CEP135: variants seen among roughly 807,000 people sequenced by gnomAD.
CEP135 encodes the protein centrosomal protein 135.
CEP135 carries 142 observed loss-of-function variants against 157.3 expected under a neutral mutation model. The ratio of observed to expected loss-of-function variants is 0.90; its 90% CI spans 0.79 to 1.04. CEP135 has a LOEUF of 1.04. CEP135 is among the 50% of genes least tolerant of loss of function. CEP135 has a pLI of 0.00. For missense variants in CEP135, 1,317 were observed against 1,309.2 expected, an observed-to-expected ratio of 1.01 and a Z score of -0.09; for synonymous variants, 396 against 439.8, an observed-to-expected ratio of 0.90 and a Z score of 1.25.
intron 5 of CEP135, 71 bp downstream of exon 5, chr4:55,957,435 G>A: frequency 6.8e-7 from 1 of 1,472,202 alleles, no homozygotes; most frequent in Non-Finnish European, 9.2e-7. Flanking sequence ...CTTGATAGGA[G>A]GGCTTTTTTT....
Position 56,019,499 on chromosome 4 carries a change from G to T in CEP135, c.3159G>T (p.Glu1053Asp). 6.2e-7 allele frequency: 1 copy of T among 1,614,044 alleles called. No individual in the cohort carries two copies. The highest frequency in any genetic ancestry group is 1.1e-5 in the South Asian group (1 of 91,034). ...KEFHSHLTSH[E>D]KDTEIQLLKE... is the part of the protein sequence containing the mutation. Reference sequence around the variant, plus strand: ...TTCATTCTCACTTAACCTCCCACGAGAAGGATACAGAAATCCAGCTACTTA... The same window carrying T: ...TTCATTCTCACTTAACCTCCCACGATAAGGATACAGAAATCCAGCTACTTA... Residue 1053 changes from glutamate (E) to aspartate (D), a missense_variant, in exon 23 of 26, where the codon GAG becomes GAT. Physicochemically the swap from Glu to Asp is conservative, Grantham distance 45 (BLOSUM62 2). Coordinates refer to ENST00000257287, the MANE Select transcript of CEP135 (RefSeq NM_025009.5).
intron 8 of CEP135, chr4:55,966,141 T>G (rs1728837185): frequency 9.3e-6 from 3 of 322,644 alleles, no homozygotes; most frequent in Non-Finnish European, 1.7e-5. Context: ...TCTCTGCCCC[T>G]TTATCTATGC....
intron 14 of CEP135, among the ~76,000 whole-genome samples, chr4:55,987,341 C>T (rs772404716): frequency 1.3e-5 from 2 of 152,056 alleles, no homozygotes; most frequent in African/African-American, 2.4e-5. Flanking sequence ...TTAAAGGGTA[C>T]CCTTTATAGA....
At chr4:55,968,554 C>G (rs1477307013) in intron 8 of CEP135, among the ~76,000 whole-genome samples, 3 of 152,144 alleles carry the variant, frequency 2.0e-5, no homozygotes, top group Non-Finnish European at 4.4e-5. Context: ...TTTTCCACCA[C>G]CTTTTGCATC....
Position 55,992,221 on chromosome 4 carries a change from G to A in CEP135, c.2009+136G>A, listed in dbSNP as rs1729823601. The A allele has an allele frequency of 7.2e-6, 5 of 691,250 alleles. No homozygotes were observed. In the South Asian group the frequency reaches 1.3e-4, roughly 18 times the overall value. The allele number at this position is 691,250 out of a possible 1,614,324, so 42.8% of individuals were successfully genotyped here. A position where few individuals can be genotyped will look rare whatever the true frequency, so the allele number is the denominator to read the frequency against. On this transcript the variant is annotated intron_variant, in intron 15 of 25. Coordinates refer to ENST00000257287, the MANE Select transcript of CEP135 (RefSeq NM_025009.5). ...TTGGCTTTGCAGTAGACTCACCTGGGAGCTTTTGAAAAGTATGAATTTAAG... is the reference window on the plus strand; with the variant it reads ...TTGGCTTTGCAGTAGACTCACCTGGAAGCTTTTGAAAAGTATGAATTTAAG...
rs781041473 is a variant in CEP135, at chr4:55,980,110, A to T, written c.1474-33A>T. 3 of 1,545,840 alleles carry T rather than the reference A, an allele frequency of 1.9e-6. No individual in the cohort carries two copies. The South Asian group carries it at 3.4e-5, about 18-fold the overall frequency. On this transcript the variant is annotated intron_variant, in intron 11 of 25. Coordinates refer to ENST00000257287, the MANE Select transcript of CEP135 (RefSeq NM_025009.5). ...GTATCCTTGTGACAACCATGTGGTGATGATTATATTTTGTTTTTTAATTAT... is the reference window on the plus strand; with the variant it reads ...GTATCCTTGTGACAACCATGTGGTGTTGATTATATTTTGTTTTTTAATTAT...
intron 13 of CEP135, among the ~76,000 whole-genome samples, chr4:55,981,749 C>T (rs1349163842): frequency 6.6e-6 from 1 of 152,024 alleles, no homozygotes; most frequent in Non-Finnish European, 1.5e-5. Flanking sequence ...ATTCACATAC[C>T]ATACAATTCA....
intron 17 of CEP135, among the ~76,000 whole-genome samples, chr4:56,001,425 A>G (rs1403005537): frequency 6.6e-6 from 1 of 152,084 alleles, no homozygotes; most frequent in Non-Finnish European, 1.5e-5. Context: ...CTTTGATTTG[A>G]GTTTTGTATA....
chr4:55,999,325 G>T lies in CEP135; in HGVS notation c.2033G>T (p.Arg678Leu), dbSNP rs756603481. Residue 678 changes from arginine to leucine, a missense_variant, in exon 16 of 26, where the codon CGG becomes CTG. Arg to Leu is a moderately radical substitution (Grantham distance 102). Transcript: ENST00000257287. ...SLRIVNEQLQ[R>L]SVDDYQHRLS... ...AGGATAGTGAATGAGCAGCTACAGC[G>T]GTCAGTTGATGACTATCAGCACCGA... is the stretch of plus-strand genomic sequence containing the variant. 2 of 1,613,926 alleles carry T rather than the reference G, an allele frequency of 1.2e-6. No individual in the cohort carries two copies. Among genetic ancestry groups the T allele is most frequent in the Non-Finnish European group, 1.7e-6 (2 of 1,179,910 alleles).
At chr4:55,951,115 A>G (rs962000348) in intron 1 of CEP135, among the ~76,000 whole-genome samples, 3 of 152,132 alleles carry the variant, frequency 2.0e-5, no homozygotes, top group Non-Finnish European at 4.4e-5. Flanking sequence ...ATCCCTTAGT[A>G]TTGCACTGTA....
intron 24 of CEP135, among the ~76,000 whole-genome samples, chr4:56,023,044 C>A (rs1731019571): frequency 6.6e-6 from 1 of 152,014 alleles, no homozygotes; most frequent in Non-Finnish European, 1.5e-5. Flanking sequence ...CCAGCCTGGG[C>A]AACATAGTAT....
chr4:55,985,417 C>G, intron 14 of CEP135, 59 bp downstream of exon 14: 1 of 730,466 alleles, frequency 1.4e-6, no homozygotes, highest in Non-Finnish European at 2.2e-6. Context: ...ATGTCAATTA[C>G]AGTTTTAATA....
rs187918958 is a variant in CEP135, at chr4:55,969,139, G to A, written c.1110+11G>A. The A allele has an allele frequency of 1.9e-4, 308 of 1,609,966 alleles. No homozygotes were observed. Among genetic ancestry groups the A allele is most frequent in the Non-Finnish European group, 2.0e-4 (233 of 1,178,376 alleles). On this transcript the variant is annotated intron_variant, in intron 9 of 25. Coordinates refer to ENST00000257287, the MANE Select transcript of CEP135 (RefSeq NM_025009.5). ...GCAAAACTTCAGCTGGTAAGTTGAT[G>A]TCATGTTGAATTGCCAGCATTTTCA...
At chr4:56,017,921 A>C (rs1730836548) in intron 22 of CEP135, 64 bp downstream of exon 22, 3 of 1,349,556 alleles carry the variant, frequency 2.2e-6, no homozygotes, top group Middle Eastern at 2.6e-4. Context: ...ATTTTACTTT[A>C]GTATTCACCA....
At chr4:55,970,564 T>C (rs889673149) in intron 9 of CEP135, among the ~76,000 whole-genome samples, 1 of 152,222 alleles carries the variant, frequency 6.6e-6, no homozygotes, top group Non-Finnish European at 1.5e-5. Context: ...TGCTGTTTGT[T>C]CACTGCTAGT....
chr4:55,984,511 G>C (rs754915602), intron 13 of CEP135, among the ~76,000 whole-genome samples: 1 of 152,168 alleles, frequency 6.6e-6, no homozygotes, highest in Non-Finnish European at 1.5e-5. Flanking sequence ...TGCTGTCAGA[G>C]ACTTCATCCG....
chr4:56,003,721 G>GTT (rs1314313548), intron 17 of CEP135, among the ~76,000 whole-genome samples: 1 of 141,182 alleles, frequency 7.1e-6, no homozygotes. Context: ...TTTTTGTTTT[G>GTT]TTTTTTTTTT....
At chr4:55,963,777 G>C (rs1303564382) in intron 6 of CEP135, among the ~76,000 whole-genome samples, 1 of 152,128 alleles carries the variant, frequency 6.6e-6, no homozygotes, top group African/African-American at 2.4e-5. Context: ...AAGCTTGAAA[G>C]TGTGAGCCTT....
At chr4:55,999,778 T>TATCTCTTGGGCTCAAGGAATCCCCC (rs1325716078) in intron 17 of CEP135, 133 bp downstream of exon 17, 1 of 817,498 alleles carries the variant, frequency 1.2e-6, no homozygotes, top group African/African-American at 1.8e-5. Flanking sequence ...CTGCAACCCC[T>TATCTCTTGGGCTCAAGGAATCCCCC]ATCTCTTGGG....
Sources: gnomAD v4.1 joint callset for allele counts (sites outside exome capture counted in the v4.1 genomes callset) on GRCh38, gnomAD v4.1.1 for gene constraint, MANE v1.5 for transcripts, NCBI Gene and HGNC (gene_info 2026-07-23, HGNC 2026-07-21) for gene names.